Variants in XKR6 observed in about 807,000 individuals in gnomAD.
The protein encoded by XKR6 is XK-related protein 6.
Under a neutral mutation model 56.7 loss-of-function variants are expected in XKR6, and 22 were observed. The ratio of observed to expected loss-of-function variants is 0.39; its 90% confidence interval spans 0.28 to 0.55. XKR6 has a LOEUF of 0.55. XKR6 is among the 20% of genes least tolerant of loss of function. XKR6 has a pLI of 0.66. For missense variants in XKR6, 852 were observed against 889.0 expected, an observed-to-expected ratio of 0.96 and a Z score of 0.53; for synonymous variants, 524 against 387.8, an observed-to-expected ratio of 1.35 and a Z score of -4.13.
intron 1 of XKR6, among the ~76,000 whole-genome samples, chr8:10,960,351 A>G (rs1250552715): frequency 2.0e-5 from 3 of 152,230 alleles, no homozygotes; most frequent in African/African-American, 4.8e-5. Context: ...CCGTTAACCC[A>G]TAAATATCAG....
At chr8:10,978,198 A>T (rs1802624301) in intron 1 of XKR6, among the ~76,000 whole-genome samples, 2 of 152,230 alleles carry the variant, frequency 1.3e-5, no homozygotes, top group Non-Finnish European at 2.9e-5. Context: ...GATTCAGAAC[A>T]GATTCATAGC....
Position 10,927,770 on chromosome 8 carries a change from C to G in XKR6, c.765-2940G>C, listed in dbSNP as rs77973513. On this transcript the variant is annotated intron_variant, in intron 1 of 2. Transcript: ENST00000416569. ...TTGATGCTCTCCTGGGTGTGAGCAC[C>G]CCAGGGTGTGGGAAGAGCCAGGGTG... is the stretch of plus-strand genomic sequence containing the variant. 1.2e-3 allele frequency among the ~76,000 whole-genome samples: 179 copies of G among 152,178 alleles called. 3 individuals are homozygous for G. In the East Asian group the frequency reaches 0.03, roughly 26 times the overall value.
intron 1 of XKR6, chr8:11,128,842 C>T: frequency 4.4e-6 from 2 of 456,894 alleles, no homozygotes; most frequent in South Asian, 3.1e-5. Context: ...ACCTTACCAC[C>T]TCCACTGTCA....
chr8:11,165,870 TGAAG>T (rs1734557683), intron 1 of XKR6, among the ~76,000 whole-genome samples: 1 of 152,054 alleles, frequency 6.6e-6, no homozygotes, highest in Non-Finnish European at 1.5e-5. Flanking sequence ...TCACGTTACA[TGAAG>T]GAACCATAAG....
intron 1 of XKR6, among the ~76,000 whole-genome samples, chr8:11,072,963 T>C (rs898263390): frequency 1.3e-5 from 2 of 152,096 alleles, no homozygotes; most frequent in Non-Finnish European, 2.9e-5. Flanking sequence ...GGCAGGAGAA[T>C]TGCTTCAACC....
chr8:10,995,859 T>C (rs1447552760), intron 1 of XKR6, among the ~76,000 whole-genome samples: 3 of 152,186 alleles, frequency 2.0e-5, no homozygotes, highest in East Asian at 3.8e-4. Flanking sequence ...TCCTTCCTCT[T>C]TGGTGAAGAC....
chr8:11,062,879 C>G (rs1188999302), intron 1 of XKR6: 1 of 455,668 alleles, frequency 2.2e-6, no homozygotes, highest in African/African-American at 2.0e-5. Flanking sequence ...AGTGGGTGTC[C>G]CTTCCAGACG....
At chr8:10,916,755 A>C (rs1396125583) in intron 2 of XKR6, among the ~76,000 whole-genome samples, 2 of 152,230 alleles carry the variant, frequency 1.3e-5, no homozygotes, top group African/African-American at 4.8e-5. Flanking sequence ...GCCAAAAAGA[A>C]AGGCACAGAC....
intron 1 of XKR6, among the ~76,000 whole-genome samples, chr8:11,016,572 C>G (rs1038467242): frequency 1.3e-5 from 2 of 152,236 alleles, no homozygotes. Context: ...CCCGTCCGCG[C>G]CCCGACAGCG....
At chr8:10,994,436 T>C (rs1376104707) in intron 1 of XKR6, among the ~76,000 whole-genome samples, 2 of 152,192 alleles carry the variant, frequency 1.3e-5, no homozygotes, top group Non-Finnish European at 2.9e-5. Context: ...CTTCTCAAAA[T>C]GCAGGGTGAG....
intron 1 of XKR6, among the ~76,000 whole-genome samples, chr8:10,969,079 A>G (rs1467620322): frequency 6.6e-6 from 1 of 152,240 alleles, no homozygotes; most frequent in Non-Finnish European, 1.5e-5. Flanking sequence ...CCAGAATCAC[A>G]GTCTTGTGTG....
intron 1 of XKR6, among the ~76,000 whole-genome samples, chr8:11,153,861 G>A (rs1801378331): frequency 6.6e-6 from 1 of 152,088 alleles, no homozygotes; most frequent in Non-Finnish European, 1.5e-5. Context: ...AATATTTCCA[G>A]ACTCCAACCA....
At chr8:11,179,467 G>C (rs149727310) in intron 1 of XKR6, among the ~76,000 whole-genome samples, 1 of 152,208 alleles carries the variant, frequency 6.6e-6, no homozygotes, top group Non-Finnish European at 1.5e-5. Flanking sequence ...CTATTCTCAA[G>C]GTACTATCAG....
intron 1 of XKR6, among the ~76,000 whole-genome samples, chr8:10,940,034 G>A (rs1042875786): frequency 6.6e-6 from 1 of 152,196 alleles, no homozygotes; most frequent in Non-Finnish European, 1.5e-5. Context: ...ATCCTGCGTC[G>A]ACGTGTAATG....
In XKR6 at chr8:10,896,763, TTA is replaced by T. The variant is rs1213333303; in HGVS notation, c.*1187_*1188del. The T allele has an allele frequency of 2.0e-4, 20 of 101,534 alleles. No individual in the cohort carries two copies. The highest frequency in any genetic ancestry group is 8.1e-4 in the Admixed American group (10 of 12,384). The allele number at this position is 101,534 out of a possible 1,614,324, so 6.3% of individuals were successfully genotyped here. On this transcript the variant is annotated 3_prime_UTR_variant, in exon 3 of 3. Coordinates refer to ENST00000416569, the MANE Select transcript of XKR6 (RefSeq NM_173683.4). ...ATATATTCTAGTTTTCCTCTTTGTG[TTA>T]TTTTTTTTTTTAAAAAAGCACAAAT...
At chr8:11,024,816 T>C (rs1197033198) in intron 1 of XKR6, among the ~76,000 whole-genome samples, 1 of 152,226 alleles carries the variant, frequency 6.6e-6, no homozygotes, top group East Asian at 1.9e-4. Context: ...CTGCAAAACC[T>C]GGGTGTTGGG....
intron 1 of XKR6, among the ~76,000 whole-genome samples, chr8:10,982,201 C>T (rs191117520): frequency 1.6e-4 from 24 of 152,292 alleles, no homozygotes; most frequent in Non-Finnish European, 2.9e-4. Context: ...TATGTGGCAG[C>T]AAAGTAAAAC....
chr8:11,162,051 T>C (rs1302483668), intron 1 of XKR6, among the ~76,000 whole-genome samples: 1 of 152,170 alleles, frequency 6.6e-6, no homozygotes, highest in Non-Finnish European at 1.5e-5. Context: ...CTTCATCATA[T>C]TTTATATGTA....
chr8:11,186,534 C>T (rs1038400884), intron 1 of XKR6, among the ~76,000 whole-genome samples: 2 of 152,186 alleles, frequency 1.3e-5, no homozygotes, highest in African/African-American at 4.8e-5. Context: ...TGCCACACCA[C>T]ATCCAGCTCA....
Sources: gnomAD v4.1 joint callset for allele counts (sites outside exome capture counted in the v4.1 genomes callset) on GRCh38, gnomAD v4.1.1 for gene constraint, MANE v1.5 for transcripts, NCBI Gene and HGNC (gene_info 2026-07-23, HGNC 2026-07-21) for gene names.